The following RYR3 variants were observed in gnomAD, a reference collection of about 807,000 sequenced individuals.
The protein encoded by RYR3 is ryanodine receptor 3.
A neutral mutation model predicts 584.3 loss-of-function variants in RYR3; 207 were observed. The ratio of observed to expected loss-of-function variants is 0.35; its 90% CI spans 0.32 to 0.40. RYR3 has a LOEUF of 0.40. Ranked by LOEUF, RYR3 falls within the 10% of genes least tolerant of loss-of-function variation. RYR3 has a pLI of 1.00. For synonymous variants in RYR3, 2,416 were observed against 2,248.5 expected, an observed-to-expected ratio of 1.07 and a Z score of -2.11; for missense variants, 5,616 against 6,089.2, an observed-to-expected ratio of 0.92 and a Z score of 2.59.
At chr15:33,511,862 T>C (rs2053045841) in intron 3 of RYR3, among the ~76,000 whole-genome samples, 1 of 152,196 alleles carries the variant, frequency 6.6e-6, no homozygotes, top group Non-Finnish European at 1.5e-5. Context: ...CACTGCAAGC[T>C]CCACCTCCCG....
rs57388264 is a variant in RYR3 at position 33,435,391 on chromosome 15, T to C, written c.52-38028T>C. Among the ~76,000 whole-genome samples, 388 of 152,348 alleles carry C rather than the reference T, an allele frequency of 2.5e-3. 2 individuals carry two copies. The highest frequency in any genetic ancestry group is 8.9e-3 in the African/African-American group (371 of 41,576). On this transcript the variant is annotated intron_variant, in intron 1 of 103. Transcript: ENST00000634891. ...TTCTCATCAATTTTCAGCTACTCTG[T>C]GGCATTCCAGTGTATACATTTATCA...
chr15:33,602,896 C>T (rs2152554766), intron 17 of RYR3, among the ~76,000 whole-genome samples: 1 of 152,098 alleles, frequency 6.6e-6, no homozygotes, highest in South Asian at 2.1e-4. Flanking sequence ...TAGGTGTGCA[C>T]CACCATACCC....
intron 43 of RYR3, among the ~76,000 whole-genome samples, chr15:33,711,437 G>T (rs997855437): frequency 6.6e-6 from 1 of 151,846 alleles, no homozygotes; most frequent in African/African-American, 2.4e-5. Context: ...TAGAGATGGG[G>T]TTTCACCGTG....
chr15:33,669,561 T>A, intron 37 of RYR3, 105 bp downstream of exon 37: 1 of 925,464 alleles, frequency 1.1e-6, no homozygotes, highest in Non-Finnish European at 1.7e-6. Context: ...TTTTTGTATT[T>A]AAAATTGCAA....
chr15:33,785,901 A>C lies in RYR3; in HGVS notation c.9508A>C (p.Ser3170Arg). 6.2e-7 allele frequency: 1 copy of C among 1,613,176 alleles called. No homozygotes were observed. Among genetic ancestry groups the C allele is most frequent in the Non-Finnish European group, 8.5e-7 (1 of 1,179,356 alleles). ...CCTKVTSEHLSLILGNILKII... is the reference protein window; with the variant it reads ...CCTKVTSEHLRLILGNILKII... ...CACCAAGGTCACCTCTGAACACCTCAGTCTCATCCTGGGCAACATTCTGAA... is the reference window on the plus strand; with the variant it reads ...CACCAAGGTCACCTCTGAACACCTCCGTCTCATCCTGGGCAACATTCTGAA... The change falls in exon 66 of 104, where the codon AGT (serine) becomes CGT (arginine). Residue 3170 changes from serine to arginine, a missense_variant. Physicochemically the swap from Ser to Arg is moderately radical, Grantham distance 110. Transcript: ENST00000634891.
intron 67 of RYR3, among the ~76,000 whole-genome samples, chr15:33,792,248 G>A (rs1382251694): frequency 6.6e-6 from 1 of 152,186 alleles, no homozygotes; most frequent in Non-Finnish European, 1.5e-5. Context: ...TTCATGGTGT[G>A]TGTCTCTGTT....
At chr15:33,514,252 A>G (rs2053301691) in intron 3 of RYR3, among the ~76,000 whole-genome samples, 1 of 152,156 alleles carries the variant, frequency 6.6e-6, no homozygotes, top group Admixed American at 6.5e-5. Context: ...ACCGGCACTG[A>G]TAAGAATCAC....
At chr15:33,446,838 A>G (rs925225797) in intron 1 of RYR3, among the ~76,000 whole-genome samples, 1 of 152,332 alleles carries the variant, frequency 6.6e-6, no homozygotes, top group Non-Finnish European at 1.5e-5. Flanking sequence ...CTTTAGTGTC[A>G]TTAACAGCTG....
intron 46 of RYR3, among the ~76,000 whole-genome samples, chr15:33,727,120 T>C (rs1425504957): frequency 1.3e-5 from 2 of 152,194 alleles, no homozygotes; most frequent in South Asian, 2.1e-4. Context: ...GTGTAGGCAG[T>C]TGGGGCACAG....
rs541060757 is a variant in RYR3 at position 33,660,408 on chromosome 15, T to A, written c.4607T>A (p.Ile1536Asn). Reference protein sequence around the residue: ...LEPLQMMALHIPEENRCVDIL... With the variant: ...LEPLQMMALHNPEENRCVDIL... ...CCCCTGCAGATGATGGCGCTCCACA[T>A]CCCCGAGGAGAACAGGTACCAGAGG... is the stretch of plus-strand genomic sequence containing the variant. Residue 1536 changes from isoleucine (I) to asparagine (N), a missense_variant, in exon 34 of 104, where the codon ATC (isoleucine) becomes AAC (asparagine). By Grantham distance (149) the Ile-to-Asn change is moderately radical. Coordinates refer to ENST00000634891, the MANE Select transcript of RYR3 (RefSeq NM_001036.6). 9.8e-5 allele frequency: 154 copies of A among 1,565,486 alleles called. No homozygotes were observed. Among genetic ancestry groups the A allele is most frequent in the Non-Finnish European group, 1.3e-4 (145 of 1,154,970 alleles).
At chr15:33,617,411 C>CAA (rs200334863) in intron 19 of RYR3, among the ~76,000 whole-genome samples, 25,344 of 143,184 alleles carry the variant, frequency 0.18, 2,232 homozygotes, top group African/African-American at 0.23. Flanking sequence ...GACTCTGACT[C>CAA]AAAAAAAAAA....
chr15:33,372,521 C>G (rs941316363), intron 1 of RYR3, among the ~76,000 whole-genome samples: 2 of 152,002 alleles, frequency 1.3e-5, no homozygotes, highest in African/African-American at 2.4e-5. Context: ...CCCGCCACCA[C>G]GCCCAGCTAA....
intron 1 of RYR3, among the ~76,000 whole-genome samples, chr15:33,345,229 CTAAA>C (rs1455848017): frequency 3.3e-5 from 5 of 152,132 alleles, no homozygotes; most frequent in Non-Finnish European, 7.3e-5. Context: ...AACTTATGCA[CTAAA>C]TAAATATTTA....
At chr15:33,477,182 G>T (rs1470641359) in intron 2 of RYR3, among the ~76,000 whole-genome samples, 1 of 152,072 alleles carries the variant, frequency 6.6e-6, no homozygotes, top group Non-Finnish European at 1.5e-5. Context: ...CGGTGACCTT[G>T]GGCATTTCTA....
At chr15:33,473,563 C>A (rs2142229991) in intron 2 of RYR3, 25 bp downstream of exon 2, 1 of 1,611,190 alleles carries the variant, frequency 6.2e-7, no homozygotes, top group Non-Finnish European at 8.5e-7. Flanking sequence ...CCGCCCTACA[C>A]CTTCTTCCAC....
chr15:33,742,307 TCTA>T (rs2070225975), intron 51 of RYR3, 56 bp from the exon 52 acceptor site: 1 of 1,067,014 alleles, frequency 9.4e-7, no homozygotes, highest in Non-Finnish European at 1.5e-6. Flanking sequence ...CTGACTATCT[TCTA>T]CTATGTCTGG....
At chr15:33,745,859 C>T (rs191786083) in intron 52 of RYR3, among the ~76,000 whole-genome samples, 1 of 152,266 alleles carries the variant, frequency 6.6e-6, no homozygotes, top group South Asian at 2.1e-4. Flanking sequence ...GCAACTGAAA[C>T]AAGAAGGAAT....
chr15:33,628,514 C>G lies in RYR3; in HGVS notation c.2618C>G (p.Ala873Gly). 6.2e-7 allele frequency: 1 copy of G among 1,613,774 alleles called. No individual in the cohort carries two copies. Among genetic ancestry groups the G allele is most frequent in the Non-Finnish European group, 8.5e-7 (1 of 1,179,714 alleles). The stretch of plus-strand genomic sequence containing the variant: ...CTAGAAAAGATCCGAGACAGACTAG[C>G]TGAAAACATCCATGAGCTTTGGGGA... ...PHLEKIRDRL[A>G]ENIHELWGMN... Residue 873 changes from alanine (A) to glycine (G), a missense_variant, in exon 21 of 104, where the codon GCT becomes GGT. By Grantham distance (60) the Ala-to-Gly change is moderately conservative. Coordinates refer to ENST00000634891, the MANE Select transcript of RYR3 (RefSeq NM_001036.6).
intron 67 of RYR3, among the ~76,000 whole-genome samples, chr15:33,797,295 A>G (rs12900756): frequency 0.24 from 36,027 of 151,918 alleles, 4,896 homozygotes; most frequent in African/African-American, 0.37. Context: ...AAAGAGACCC[A>G]CAGATCAGCT....
Sources: allele counts gnomAD v4.1 joint callset (sites outside exome capture counted in the v4.1 genomes callset), GRCh38; gene constraint gnomAD v4.1.1; transcripts MANE v1.5; gene names NCBI Gene and HGNC (gene_info 2026-07-23, HGNC 2026-07-21).